Variants in TEX11 observed in about 807,000 individuals in gnomAD.
TEX11 encodes testis-expressed protein 11.
TEX11 carries 7 observed loss-of-function variants against 84.4 expected under a neutral mutation model. The ratio of observed to expected loss-of-function variants is 0.08; its 90% confidence interval spans 0.05 to 0.16. The LOEUF (loss-of-function observed/expected upper bound fraction) is 0.16. Ranked by LOEUF, TEX11 falls within the 10% of genes least tolerant of loss-of-function variation. The probability of loss-of-function intolerance (pLI) is 1.00; values close to 1 mark genes in which losing one functional copy is unlikely to be tolerated. For missense variants in TEX11, 551 were observed against 660.5 expected (o/e 0.83, Z 1.82); for synonymous variants, 264 against 222.8 (o/e 1.18, Z -1.64).
At chrX:70,709,346 C>T (rs1342192342) in intron 13 of TEX11, among the ~76,000 whole-genome samples, 1 of 110,389 alleles carries the variant, frequency 9.1e-6, no homozygotes, top group African/African-American at 3.3e-5. Context: ...TAGATCTATC[C>T]CAGAAAGGAA....
chrX:70,625,897 G>C (rs1356461000), intron 18 of TEX11, among the ~76,000 whole-genome samples: 1 of 108,334 alleles, frequency 9.2e-6, no homozygotes, highest in African/African-American at 3.4e-5. Flanking sequence ...ACAGGCACCC[G>C]CCACTACGCC....
At chrX:70,694,648 C>A in intron 13 of TEX11, among the ~76,000 whole-genome samples, 1 of 111,961 alleles carries the variant, frequency 8.9e-6, no homozygotes, top group Non-Finnish European at 1.9e-5. Flanking sequence ...TTGGCAATTT[C>A]TTGAAAATTT....
chrX:70,647,639 T>C (rs930193469), intron 17 of TEX11, among the ~76,000 whole-genome samples: 1 of 105,209 alleles, frequency 9.5e-6, no homozygotes, highest in African/African-American at 3.4e-5. Flanking sequence ...GCACTTCCAC[T>C]TGGGTGACAG....
chrX:70,573,644 C>G (rs1331182592), intron 25 of TEX11, among the ~76,000 whole-genome samples: 1 of 111,275 alleles, frequency 9.0e-6, no homozygotes, highest in East Asian at 2.8e-4. Context: ...AGGAACCAAG[C>G]AAAGACTGCC....
chrX:70,869,112 T>TAAAATAAAAC lies in TEX11; in HGVS notation c.244+4110_244+4111insGTTTTATTTT, dbSNP rs57359965. Among the ~76,000 whole-genome samples the TAAAATAAAAC allele has an allele frequency of 5.4e-3, 423 of 77,732 alleles. 4 individuals are homozygous for TAAAATAAAAC. The highest frequency in any genetic ancestry group is 6.6e-3 in the African/African-American group (154 of 23,488). The allele number at this position is 77,732 out of a possible 115,157, so 67.5% of individuals were successfully genotyped here. The stretch of plus-strand genomic sequence containing the variant: ...TAAAATAAAATAAAATAAAATAAAA[T>TAAAATAAAAC]AAAACAAAATAAAATAAAGAAAAGA... On this transcript the variant is annotated intron_variant, in intron 4 of 29. Transcript: ENST00000374333.
At chrX:70,843,795 G>A (rs1410322761) in intron 7 of TEX11, among the ~76,000 whole-genome samples, 3 of 111,784 alleles carry the variant, frequency 2.7e-5, no homozygotes, top group Non-Finnish European at 3.8e-5. Context: ...ACAAGTGGGC[G>A]AAGGATATGA....
intron 2 of TEX11, among the ~76,000 whole-genome samples, chrX:70,896,995 G>A (rs1460207952): frequency 9.4e-6 from 1 of 106,195 alleles, no homozygotes; most frequent in Non-Finnish European, 1.9e-5. Flanking sequence ...AGCCAGATGT[G>A]GTGGCGTGCA....
intron 9 of TEX11, among the ~76,000 whole-genome samples, chrX:70,753,855 C>G (rs756772736): frequency 1.8e-5 from 2 of 110,687 alleles, no homozygotes; most frequent in South Asian, 7.7e-4. Flanking sequence ...AGAAGAGAAC[C>G]CTCTCTTGAA....
chrX:70,725,459 C>A, intron 11 of TEX11, 116 bp from the exon 12 acceptor site: 1 of 403,848 alleles, frequency 2.5e-6, no homozygotes, highest in South Asian at 6.7e-5. Flanking sequence ...CAAAGGAAAT[C>A]GAAATTACAG....
At chrX:70,752,944 C>G (rs913026742) in intron 9 of TEX11, among the ~76,000 whole-genome samples, 6 of 110,092 alleles carry the variant, frequency 5.4e-5, no homozygotes, top group Admixed American at 4.9e-4. Context: ...CACTGCTGCT[C>G]CATTATAGCA....
chrX:70,712,610 A>G (rs1234791166), intron 13 of TEX11, among the ~76,000 whole-genome samples: 3 of 111,116 alleles, frequency 2.7e-5, no homozygotes, highest in African/African-American at 9.8e-5. Flanking sequence ...TTGGTGTATA[A>G]GAATGCCTGT....
intron 2 of TEX11, among the ~76,000 whole-genome samples, chrX:70,890,105 G>C (rs1429146549): frequency 9.0e-6 from 1 of 111,011 alleles, no homozygotes; most frequent in Non-Finnish European, 1.9e-5. Context: ...CATGCCAATG[G>C]AAACCAAAAA....
At chrX:70,603,879 A>G (rs2089163359) in intron 24 of TEX11, among the ~76,000 whole-genome samples, 1 of 49,495 alleles carries the variant, frequency 2.0e-5, no homozygotes, top group East Asian at 5.9e-4. Context: ...AACCCCATCA[A>G]AAAGTGGGCG....
chrX:70,809,982 T>C (rs2091242747), intron 8 of TEX11, among the ~76,000 whole-genome samples: 1 of 111,719 alleles, frequency 9.0e-6, no homozygotes, highest in Non-Finnish European at 1.9e-5. Flanking sequence ...CATTAAAAAG[T>C]AATATGAACA....
At chrX:70,575,936 T>C (rs907460314) in intron 25 of TEX11, among the ~76,000 whole-genome samples, 1 of 112,250 alleles carries the variant, frequency 8.9e-6, no homozygotes. Flanking sequence ...CCTATTAGTA[T>C]AGTTATTTCA....
intron 28 of TEX11, among the ~76,000 whole-genome samples, chrX:70,542,366 A>G (rs1478648236): frequency 1.8e-5 from 2 of 111,310 alleles, no homozygotes; most frequent in African/African-American, 6.5e-5. Flanking sequence ...CCAAACTGTG[A>G]GAAATAAATT....
chrX:70,864,280 C>G (rs2091585944), intron 4 of TEX11, among the ~76,000 whole-genome samples: 1 of 111,029 alleles, frequency 9.0e-6, no homozygotes, highest in African/African-American at 3.3e-5. Flanking sequence ...GACACATAAT[C>G]ATCAGATTCT....
At chrX:70,530,879 C>T (rs762990847) in intron 28 of TEX11, among the ~76,000 whole-genome samples, 15 of 111,846 alleles carry the variant, frequency 1.3e-4, no homozygotes, top group African/African-American at 3.9e-4. Flanking sequence ...CATGTAAAGA[C>T]GACTTCACAA....
intron 9 of TEX11, among the ~76,000 whole-genome samples, chrX:70,804,955 C>T (rs1437817306): frequency 9.5e-6 from 1 of 104,993 alleles, no homozygotes; most frequent in East Asian, 2.9e-4. Flanking sequence ...CAGAAGCCAT[C>T]CATGGCACCA....
Sources: allele counts gnomAD v4.1 joint callset (sites outside exome capture counted in the v4.1 genomes callset), GRCh38; gene constraint gnomAD v4.1.1; transcripts MANE v1.5; gene names NCBI Gene and HGNC (gene_info 2026-07-23, HGNC 2026-07-21).